The following PDE4B variants were observed in gnomAD, a reference collection of about 807,000 sequenced individuals.
PDE4B encodes phosphodiesterase 4B, also known as 3',5'-cyclic-AMP phosphodiesterase 4B.
Under a neutral mutation model 82.2 loss-of-function variants are expected in PDE4B, and 20 were observed. The observed-to-expected ratio is 0.24, with a 90% CI of 0.17 to 0.35. The LOEUF (loss-of-function observed/expected upper bound fraction) is 0.35, where lower values mean the gene tolerates loss of function less well. Ranked by LOEUF, PDE4B falls within the 10% of genes least tolerant of loss-of-function variation. PDE4B has a pLI of 1.00. For synonymous variants in PDE4B, 320 were observed against 318.9 expected, an observed-to-expected ratio of 1.00 and a Z score of -0.04; for missense variants, 655 against 907.2, an observed-to-expected ratio of 0.72 and a Z score of 3.57.
At chr1:65,905,999 T>C (rs11578009) in intron 1 of PDE4B, among the ~76,000 whole-genome samples, 24,706 of 152,090 alleles carry the variant, frequency 0.16, 2,313 homozygotes, top group Middle Eastern at 0.3. Context: ...TGTTGAGAAA[T>C]CAGATGAAAA....
intron 3 of PDE4B, among the ~76,000 whole-genome samples, chr1:66,095,104 T>C (rs1557556776): frequency 6.6e-6 from 1 of 151,952 alleles, no homozygotes; most frequent in East Asian, 1.9e-4. Flanking sequence ...TACTATTCTG[T>C]GCTACAAGCA....
At chr1:66,321,607 G>A (rs140237434) in intron 7 of PDE4B, among the ~76,000 whole-genome samples, 2 of 151,954 alleles carry the variant, frequency 1.3e-5, no homozygotes, top group Non-Finnish European at 2.9e-5. Context: ...CTTCAAGATG[G>A]CCCCTTGTTT....
intron 3 of PDE4B, among the ~76,000 whole-genome samples, chr1:65,970,402 G>C (rs951778079): frequency 6.6e-6 from 1 of 152,038 alleles, no homozygotes; most frequent in Non-Finnish European, 1.5e-5. Context: ...GTATTTGGAA[G>C]ATAAATGGCA....
At chr1:65,862,768 T>C (rs1322384485) in intron 1 of PDE4B, among the ~76,000 whole-genome samples, 2 of 152,206 alleles carry the variant, frequency 1.3e-5, no homozygotes, top group Non-Finnish European at 2.9e-5. Flanking sequence ...TTCTTCCTGG[T>C]TTAATCTTGA....
intron 3 of PDE4B, among the ~76,000 whole-genome samples, chr1:66,039,765 GACAGGATTAGAAATA>G (rs1158886011): frequency 6.6e-6 from 1 of 152,088 alleles, no homozygotes; most frequent in Non-Finnish European, 1.5e-5. Context: ...CAGACTTTAA[GACAGGATTAGAAATA>G]ACATCTTGTG....
At chr1:65,825,043 A>T (rs1645998493) in intron 1 of PDE4B, among the ~76,000 whole-genome samples, 1 of 152,166 alleles carries the variant, frequency 6.6e-6, no homozygotes, top group South Asian at 2.1e-4. Context: ...TTAACTGGTG[A>T]CCCCAAAGCA....
chr1:66,354,755 C>A, intron 8 of PDE4B: 1 of 1,495,482 alleles, frequency 6.7e-7, no homozygotes, highest in Middle Eastern at 1.7e-4. Context: ...ACTGAATCTG[C>A]AGGGCTTTCC....
At position 66,273,058 on chromosome 1, in the gene PDE4B, A is replaced by G. The variant is rs577047895; in HGVS notation, c.634+6971A>G. On this transcript the variant is annotated intron_variant, in intron 7 of 16. Coordinates refer to ENST00000341517, the MANE Select transcript of PDE4B (RefSeq NM_002600.4). ...GCCCACCTCAGCCTCCCAAAGTAGA[A>G]CTATTCTTATAAACCCCAGTTATGG... 4.0e-5 allele frequency among the ~76,000 whole-genome samples: 6 copies of G among 151,888 alleles called. No homozygotes were observed. In the East Asian group the frequency reaches 1.2e-3, roughly 29 times the overall value.
chr1:66,056,721 A>G (rs1655324440), intron 3 of PDE4B, among the ~76,000 whole-genome samples: 1 of 152,176 alleles, frequency 6.6e-6, no homozygotes, highest in Non-Finnish European at 1.5e-5. Flanking sequence ...AAGAATCATC[A>G]GAGAGATACA....
chr1:66,331,794 T>A (rs1384608353), intron 7 of PDE4B: 2 of 985,296 alleles, frequency 2.0e-6, no homozygotes, highest in African/African-American at 3.5e-5. Flanking sequence ...AATAAACGTG[T>A]TCACGTAAAA....
At position 65,792,954 on chromosome 1, in the gene PDE4B, T is replaced by A. The variant is rs1645588106; in HGVS notation, c.-365T>A. On this transcript the variant is annotated 5_prime_UTR_variant, in exon 1 of 17. Transcript: ENST00000341517. ...AGCGCCTGTGTCTCCCTGGCGCGGG[T>A]TCCCCAGGCTAGCCCGCTGGCCCGT... 6.6e-6 allele frequency among the ~76,000 whole-genome samples: 1 copy of A among 151,554 alleles called. No individual in the cohort carries two copies. The highest frequency in any genetic ancestry group is 6.6e-5 in the Admixed American group (1 of 15,224).
chr1:66,195,377 A>G (rs1648208591), intron 3 of PDE4B, among the ~76,000 whole-genome samples: 1 of 152,184 alleles, frequency 6.6e-6, no homozygotes, highest in Non-Finnish European at 1.5e-5. Context: ...TCATTTATTA[A>G]CAACATGACT....
intron 12 of PDE4B, 69 bp downstream of exon 12, chr1:66,363,640 A>T (rs1307398099): frequency 7.7e-7 from 1 of 1,304,652 alleles, no homozygotes; most frequent in African/African-American, 1.5e-5. Flanking sequence ...AGCTGGATGT[A>T]GTAGCATGTG....
intron 8 of PDE4B, among the ~76,000 whole-genome samples, chr1:66,353,010 T>C (rs941891156): frequency 6.6e-6 from 1 of 152,248 alleles, no homozygotes; most frequent in Non-Finnish European, 1.5e-5. Flanking sequence ...TTTGCCAAAA[T>C]TCAGCTTATC....
chr1:66,319,865 G>A (rs898163395), intron 7 of PDE4B, among the ~76,000 whole-genome samples: 5 of 152,182 alleles, frequency 3.3e-5, no homozygotes, highest in African/African-American at 7.2e-5. Context: ...CTTCCATTGA[G>A]CAGTTTCCAA....
intron 3 of PDE4B, among the ~76,000 whole-genome samples, chr1:66,195,368 C>G (rs1422135035): frequency 1.3e-5 from 2 of 152,108 alleles, no homozygotes; most frequent in Non-Finnish European, 2.9e-5. Flanking sequence ...AACATTGCTT[C>G]ATTTATTAAC....
intron 3 of PDE4B, among the ~76,000 whole-genome samples, chr1:66,073,352 GTTA>G (rs1157702359): frequency 6.6e-6 from 1 of 152,122 alleles, no homozygotes; most frequent in Non-Finnish European, 1.5e-5. Flanking sequence ...CCTATTTCAT[GTTA>G]TTATGGTAAG....
intron 3 of PDE4B, among the ~76,000 whole-genome samples, chr1:66,114,174 T>C (rs914998501): frequency 2.6e-5 from 4 of 152,150 alleles, no homozygotes; most frequent in African/African-American, 9.7e-5. Context: ...GCGCTGTCTA[T>C]GAACCAGAAA....
At chr1:65,808,470 G>T (rs1645781858) in intron 1 of PDE4B, among the ~76,000 whole-genome samples, 3 of 152,162 alleles carry the variant, frequency 2.0e-5, no homozygotes, top group South Asian at 4.1e-4. Flanking sequence ...ATCCTCAGCT[G>T]GAAGAGCATA....
Sources: gnomAD v4.1 joint callset for allele counts (sites outside exome capture counted in the v4.1 genomes callset) on GRCh38, gnomAD v4.1.1 for gene constraint, MANE v1.5 for transcripts, NCBI Gene and HGNC (gene_info 2026-07-23, HGNC 2026-07-21) for gene names.